Variants in ATP2C2 observed in about 807,000 individuals in gnomAD.
ATP2C2 encodes the protein calcium-transporting ATPase type 2C member 2.
Under a neutral mutation model 110.8 loss-of-function variants are expected in ATP2C2, and 171 were observed. The observed-to-expected ratio is 1.54, with a 90% CI of 1.36 to 1.75. The LOEUF is 1.75. ATP2C2 is among the 40% of genes most tolerant of loss of function. The probability of loss-of-function intolerance (pLI) is 0.00; values close to 1 mark genes in which losing one functional copy is unlikely to be tolerated. For synonymous variants in ATP2C2, 804 were observed against 508.4 expected, an observed-to-expected ratio of 1.58 and a Z score of -7.82; for missense variants, 1,963 against 1,235.0, an observed-to-expected ratio of 1.59 and a Z score of -8.84.
In ATP2C2 at chr16:84,383,530, C is replaced by G. The variant is rs369597498; in HGVS notation, c.99+14816C>G. On this transcript the variant is annotated intron_variant, in intron 1 of 26. Coordinates refer to ENST00000262429, the MANE Select transcript of ATP2C2 (RefSeq NM_014861.4). ...CCCAGCCATACCGTTATTCTGGAAT[C>G]ATTTCTTCATTTATTGTCTGGAAAT... Among the ~76,000 whole-genome samples the G allele has an allele frequency of 1.2e-4, 18 of 152,288 alleles. No homozygotes were observed. In the East Asian group the frequency reaches 3.1e-3, roughly 26 times the overall value.
At chr16:84,369,535 C>A (rs967755975) in intron 1 of ATP2C2, among the ~76,000 whole-genome samples, 1 of 151,392 alleles carries the variant, frequency 6.6e-6, no homozygotes, top group African/African-American at 2.4e-5. Flanking sequence ...CTTAAGCAGT[C>A]GTTCAAAAGT....
chr16:84,414,588 G>C (rs1016224708), intron 6 of ATP2C2, among the ~76,000 whole-genome samples: 1 of 152,198 alleles, frequency 6.6e-6, no homozygotes, highest in Non-Finnish European at 1.5e-5. Flanking sequence ...AGCCAATCAA[G>C]GGCAGGGGTC....
chr16:84,459,216 C>T, intron 22 of ATP2C2, 28 bp downstream of exon 22: 1 of 1,614,184 alleles, frequency 6.2e-7, no homozygotes, highest in African/African-American at 1.3e-5. Context: ...TTCCGAGTGT[C>T]ATTAAGCACC....
At chr16:84,419,735 G>T (rs1907160995) in intron 7 of ATP2C2, among the ~76,000 whole-genome samples, 3 of 152,162 alleles carry the variant, frequency 2.0e-5, no homozygotes, top group African/African-American at 7.2e-5. Flanking sequence ...GAGGCCCTGG[G>T]CTGGGTACCG....
chr16:84,460,853 G>A (rs746207563), intron 24 of ATP2C2, 52 bp downstream of exon 24: 8 of 1,551,258 alleles, frequency 5.2e-6, no homozygotes, highest in Non-Finnish European at 7.0e-6. Flanking sequence ...CGGTGCAGAC[G>A]CTGGGGACTG....
At chr16:84,388,606 G>C (rs1232573536) in intron 1 of ATP2C2, among the ~76,000 whole-genome samples, 1 of 152,218 alleles carries the variant, frequency 6.6e-6, no homozygotes, top group African/African-American at 2.4e-5. Flanking sequence ...GCATCTGCCT[G>C]AGTGTGGCTT....
In ATP2C2 at chr16:84,405,187, C is replaced by G. The variant is rs369766004; in HGVS notation, c.270C>G (p.Gly90=). The G allele has an allele frequency of 2.0e-5, 32 of 1,613,974 alleles. No individual in the cohort carries two copies. The highest frequency in any genetic ancestry group is 1.5e-4 in the Admixed American group (9 of 59,988). ...TGACGCAGCGCCGGCTGGCCCATGG[C>G]TGGAATGAGTTTGTTGCTGACAACA... The part of the protein sequence containing the change: ...FSVTQRRLAH[G]WNEFVADNSE... The change falls in exon 3 of 27, where the codon GGC becomes GGG. Residue 90 remains glycine (G), a synonymous_variant. Transcript: ENST00000262429.
chr16:84,423,978 T>C (rs2435178), intron 10 of ATP2C2, among the ~76,000 whole-genome samples: 126,303 of 152,220 alleles, frequency 0.83, 52,777 homozygotes, highest in Non-Finnish European at 0.86. Flanking sequence ...CTTCTTCCTG[T>C]TCTTTCCATA....
chr16:84,426,192 G>A (rs1054523557), intron 11 of ATP2C2: 17 of 209,978 alleles, frequency 8.1e-5, no homozygotes, highest in African/African-American at 3.7e-4. Context: ...CAAGGCGGAA[G>A]GGGAAGGGGG....
chr16:84,396,440 C>T (rs998577941), intron 1 of ATP2C2, among the ~76,000 whole-genome samples: 1 of 149,362 alleles, frequency 6.7e-6, no homozygotes, highest in African/African-American at 2.5e-5. Flanking sequence ...GTCCCAGCTA[C>T]TGGGGAGGGT....
rs780182673 is a variant in ATP2C2, at chr16:84,448,609, G to A, written c.1580G>A (p.Gly527Asp). The part of the protein sequence containing the change: ...IRYCTMYNNG[G>D]IPLPLTPQQR... ...TACTGCACCATGTACAACAACGGGGGCATCCCCCTGCCGCTGACGCCCCAG... is the reference window on the plus strand; with the variant it reads ...TACTGCACCATGTACAACAACGGGGACATCCCCCTGCCGCTGACGCCCCAG... The change falls in exon 17 of 27, where the codon GGC becomes GAC. Residue 527 changes from glycine (G) to aspartate (D), a missense_variant. Transcript: ENST00000262429. The A allele has an allele frequency of 5.0e-6, 8 of 1,614,060 alleles. No homozygotes were observed. The highest frequency in any genetic ancestry group is 1.7e-4 in the Middle Eastern group (1 of 6,060).
intron 7 of ATP2C2, among the ~76,000 whole-genome samples, chr16:84,419,907 C>G (rs193274233): frequency 6.6e-6 from 1 of 152,174 alleles, no homozygotes; most frequent in African/African-American, 2.4e-5. Flanking sequence ...ATGGGAGAGA[C>G]TTGCCTGGCC....
At chr16:84,386,115 G>A (rs1260427465) in intron 1 of ATP2C2, among the ~76,000 whole-genome samples, 1 of 151,952 alleles carries the variant, frequency 6.6e-6, no homozygotes, top group African/African-American at 2.4e-5. Flanking sequence ...TGTACTTTCT[G>A]TACCTTGGCC....
At chr16:84,445,900 G>A (rs1909704073) in intron 15 of ATP2C2, among the ~76,000 whole-genome samples, 1 of 152,196 alleles carries the variant, frequency 6.6e-6, no homozygotes, top group Admixed American at 6.5e-5. Flanking sequence ...TGATCCAAAA[G>A]CCACCAAAGA....
intron 15 of ATP2C2, 129 bp downstream of exon 15, chr16:84,442,728 C>A (rs2288578): frequency 0.14 from 125,927 of 893,716 alleles, 13,325 homozygotes; most frequent in East Asian, 0.54. Context: ...AAATGGCCCA[C>A]ACTGGCCTTG....
chr16:84,446,310 T>C lies in ATP2C2; in HGVS notation c.1402-19T>C. The C allele has an allele frequency of 2.0e-6, 3 of 1,469,680 alleles. No individual in the cohort carries two copies. The highest frequency in any genetic ancestry group is 2.8e-6 in the Non-Finnish European group (3 of 1,074,906). The allele number at this position is 1,469,680 out of a possible 1,614,324, so 91.0% of individuals were successfully genotyped here. ...GGCTTCGGATGACTCACTAAAAATG[T>C]GTCATTTTATTATGCTAGATGGACT... On this transcript the variant is annotated intron_variant, in intron 15 of 26. Coordinates refer to ENST00000262429, the MANE Select transcript of ATP2C2 (RefSeq NM_014861.4).
Position 84,463,700 on chromosome 16 carries a change from A to C in ATP2C2, c.2809A>C (p.Lys937Gln). Residue 937 changes from lysine (K) to glutamine (Q), a missense_variant, in exon 27 of 27, where the codon AAG becomes CAG. Physicochemically the swap from Lys to Gln is moderately conservative, Grantham distance 53. Transcript: ENST00000262429. Reference protein sequence around the residue: ...KLCEKYCCSPKRVQMHPEDV With the variant: ...KLCEKYCCSPQRVQMHPEDV ...ATGTGAAAAATACTGTTGCAGCCCCAAGAGAGTCCAGATGCACCCTGAAGA... is the reference window on the plus strand; with the variant it reads ...ATGTGAAAAATACTGTTGCAGCCCCCAGAGAGTCCAGATGCACCCTGAAGA... The C allele has an allele frequency of 6.2e-7, 1 of 1,614,142 alleles. No individual in the cohort carries two copies. The highest frequency in any genetic ancestry group is 8.5e-7 in the Non-Finnish European group (1 of 1,179,980).
intron 16 of ATP2C2, 35 bp from the exon 17 acceptor site, chr16:84,448,498 G>T (rs769946398): frequency 4.4e-6 from 7 of 1,587,700 alleles, no homozygotes; most frequent in African/African-American, 4.0e-5. Context: ...AAGGCTTCCA[G>T]TGATAGTGGA....
At chr16:84,423,665 G>A (rs1301343604) in intron 10 of ATP2C2, among the ~76,000 whole-genome samples, 1 of 152,212 alleles carries the variant, frequency 6.6e-6, no homozygotes, top group Non-Finnish European at 1.5e-5. Flanking sequence ...GATGGTGAAA[G>A]AGGAAACATG....
Sources: allele counts gnomAD v4.1 joint callset (sites outside exome capture counted in the v4.1 genomes callset), GRCh38; gene constraint gnomAD v4.1.1; transcripts MANE v1.5; gene names NCBI Gene and HGNC (gene_info 2026-07-23, HGNC 2026-07-21).